LOXL2: variants seen among roughly 807,000 people sequenced by gnomAD.
The protein encoded by LOXL2 is lysyl oxidase like 2.
A neutral mutation model predicts 93.0 loss-of-function variants in LOXL2; 70 were observed. The ratio of observed to expected loss-of-function variants is 0.75; its 90% CI spans 0.62 to 0.92. The LOEUF (loss-of-function observed/expected upper bound fraction) is 0.92. Ranked by LOEUF, LOXL2 falls within the 40% of genes least tolerant of loss-of-function variation. The pLI, the probability that LOXL2 is intolerant of heterozygous loss-of-function variation, is 0.00. For missense variants in LOXL2, 973 were observed against 1,054.9 expected (o/e 0.92, Z 1.08); for synonymous variants, 438 against 413.2 (o/e 1.06, Z -0.73).
Position 23,298,055 on chromosome 8 carries a change from C to G in LOXL2, c.2313G>C (p.Leu771=). The change falls in exon 14 of 14, where the codon CTG becomes CTC. Residue 771 remains leucine (L), a synonymous_variant. Coordinates refer to ENST00000389131, the MANE Select transcript of LOXL2 (RefSeq NM_002318.3). ...CACGCAGGCTTCTTTACTGCGGGGA[C>G]AGCTGGTTGTTTAAGAGCCCGCTGA... ...EHFSGLLNNQ[L]SPQ is the part of the protein sequence containing the mutation. The G allele has an allele frequency of 6.2e-7, 1 of 1,613,766 alleles. No homozygotes were observed. Among genetic ancestry groups the G allele is most frequent in the Non-Finnish European group, 8.5e-7 (1 of 1,179,946 alleles).
chr8:23,316,826 G>T, intron 9 of LOXL2, 123 bp downstream of exon 9: 2 of 1,010,472 alleles, frequency 2.0e-6, no homozygotes, highest in South Asian at 3.9e-5. Flanking sequence ...TCTCCCTTAG[G>T]ATTTCATTCT....
intron 3 of LOXL2, among the ~76,000 whole-genome samples, chr8:23,343,726 A>G (rs1400283038): frequency 6.6e-6 from 1 of 152,092 alleles, no homozygotes; most frequent in Non-Finnish European, 1.5e-5. Context: ...CAGGGGCAGG[A>G]TTATGCCTTC....
At chr8:23,342,007 G>C (rs1176717994) in intron 3 of LOXL2, among the ~76,000 whole-genome samples, 3 of 151,996 alleles carry the variant, frequency 2.0e-5, no homozygotes, top group Admixed American at 6.5e-5. Context: ...GTGGAGTAAA[G>C]GACAGAGGCT....
intron 6 of LOXL2, among the ~76,000 whole-genome samples, chr8:23,324,717 A>G (rs1486665627): frequency 6.6e-6 from 1 of 152,216 alleles, no homozygotes; most frequent in Non-Finnish European, 1.5e-5. Flanking sequence ...ATTAGGGCAC[A>G]GTGGAAAAGC....
chr8:23,351,554 G>A (rs1377772040), intron 3 of LOXL2, among the ~76,000 whole-genome samples: 3 of 152,322 alleles, frequency 2.0e-5, no homozygotes, highest in Non-Finnish European at 4.4e-5. Context: ...CCTTATTCAT[G>A]TGTGCAATCT....
intron 1 of LOXL2, among the ~76,000 whole-genome samples, chr8:23,403,646 G>T (rs1800179978): frequency 6.6e-6 from 1 of 152,046 alleles, no homozygotes; most frequent in Admixed American, 6.5e-5. Flanking sequence ...GAGACTTGAC[G>T]GGCTCTGTCC....
intron 3 of LOXL2, among the ~76,000 whole-genome samples, chr8:23,347,737 A>G (rs58261055): frequency 0.29 from 43,632 of 151,766 alleles, 8,030 homozygotes; most frequent in African/African-American, 0.53. Flanking sequence ...GAGAAACTGA[A>G]GCAGGAGGAT....
In LOXL2 at chr8:23,328,557, C is replaced by G; in HGVS notation, c.975G>C (p.Leu325=). 2.5e-6 allele frequency: 4 copies of G among 1,613,918 alleles called. No individual in the cohort carries two copies. Among genetic ancestry groups the G allele is most frequent in the Non-Finnish European group, 2.5e-6 (3 of 1,180,020 alleles). Residue 325 remains leucine, a synonymous_variant, in exon 6 of 14, where the codon CTG becomes CTC. Transcript: ENST00000389131. The part of the protein sequence containing the change: ...FRKAYKPEQP[L]VRLRGGAYIG... Reference sequence around the variant, plus strand: ...TGTAGGCACCGCCTCTCAGTCGCACCAGGGGTTGCTGAAGAGACACACGGT... The same window carrying G: ...TGTAGGCACCGCCTCTCAGTCGCACGAGGGGTTGCTGAAGAGACACACGGT...
intron 1 of LOXL2, among the ~76,000 whole-genome samples, chr8:23,376,101 A>G (rs141725480): frequency 0.59 from 89,227 of 152,032 alleles, 27,121 homozygotes; most frequent in African/African-American, 0.74. Context: ...TTATTATTTT[A>G]AGATACGTCT....
intron 3 of LOXL2, among the ~76,000 whole-genome samples, chr8:23,348,172 C>T (rs768016509): frequency 4.8e-4 from 72 of 149,896 alleles, no homozygotes; most frequent in Non-Finnish European, 8.1e-4. Context: ...AACCAAACAC[C>T]GCATGTTCTC....
chr8:23,365,263 C>G (rs1804379795), intron 2 of LOXL2: 1 of 152,304 alleles, frequency 6.6e-6, no homozygotes, highest in African/African-American at 2.4e-5. Flanking sequence ...CCGGAGCAAG[C>G]CCTGGGCGCT....
At chr8:23,316,298 C>A (rs1399368636) in intron 9 of LOXL2, among the ~76,000 whole-genome samples, 1 of 152,170 alleles carries the variant, frequency 6.6e-6, no homozygotes, top group Admixed American at 6.5e-5. Context: ...GGTCTGGTCT[C>A]AAGTTCTCTG....
At chr8:23,303,178 T>A in intron 11 of LOXL2, 104 bp downstream of exon 11, 1 of 758,278 alleles carries the variant, frequency 1.3e-6, no homozygotes, top group Non-Finnish European at 2.4e-6. Flanking sequence ...GTGGTCAGAG[T>A]GACACAGGGT....
chr8:23,297,987 A>G lies in LOXL2; in HGVS notation c.*56T>C, dbSNP rs938311974. Reference sequence around the variant, plus strand: ...CGTTCAGACTCAGTTGTTGGGGGGAAGTCCCATGGAAGATGTGGTGTGGCC... The same window carrying G: ...CGTTCAGACTCAGTTGTTGGGGGGAGGTCCCATGGAAGATGTGGTGTGGCC... On this transcript the variant is annotated 3_prime_UTR_variant, in exon 14 of 14. Transcript: ENST00000389131. 2.2e-5 allele frequency: 31 copies of G among 1,437,028 alleles called. No individual in the cohort carries two copies. The highest frequency in any genetic ancestry group is 2.9e-5 in the Non-Finnish European group (30 of 1,025,796). The allele number at this position is 1,437,028 out of a possible 1,614,324, so 89.0% of individuals were successfully genotyped here.
chr8:23,362,975 T>C (rs1176962779), intron 2 of LOXL2, among the ~76,000 whole-genome samples: 1 of 152,176 alleles, frequency 6.6e-6, no homozygotes, highest in South Asian at 2.1e-4. Flanking sequence ...ACTGGGGCAC[T>C]GTGTGATGTG....
chr8:23,334,024 T>C (rs901498125), intron 4 of LOXL2, among the ~76,000 whole-genome samples: 1 of 152,202 alleles, frequency 6.6e-6, no homozygotes, highest in Non-Finnish European at 1.5e-5. Flanking sequence ...ACTCTTCAGA[T>C]AATTCCAACA....
intron 9 of LOXL2, among the ~76,000 whole-genome samples, chr8:23,312,485 C>A: frequency 7.7e-6 from 1 of 130,210 alleles, no homozygotes; most frequent in South Asian, 2.9e-4. Flanking sequence ...GGATGCAAGG[C>A]TGGTTCAATA....
chr8:23,401,758 A>G (rs923486722), intron 1 of LOXL2, among the ~76,000 whole-genome samples: 1 of 152,244 alleles, frequency 6.6e-6, no homozygotes, highest in Non-Finnish European at 1.5e-5. Context: ...GGCCATCTAG[A>G]GGTCAAAGGA....
intron 6 of LOXL2, among the ~76,000 whole-genome samples, chr8:23,326,677 C>T (rs556117635): frequency 2.5e-4 from 37 of 145,482 alleles, no homozygotes; most frequent in Admixed American, 1.4e-3. Context: ...TTGCTTGAAC[C>T]GGGGAGGCAG....
Sources: gnomAD v4.1 joint callset for allele counts (sites outside exome capture counted in the v4.1 genomes callset) on GRCh38, gnomAD v4.1.1 for gene constraint, MANE v1.5 for transcripts, NCBI Gene and HGNC (gene_info 2026-07-23, HGNC 2026-07-21) for gene names.